Variants in NDUFA10 observed in about 807,000 individuals in gnomAD.
NDUFA10 encodes NADH dehydrogenase [ubiquinone] 1 alpha subcomplex subunit 10, mitochondrial.
A neutral mutation model predicts 47.8 loss-of-function variants in NDUFA10; 40 were observed. The ratio of observed to expected loss-of-function variants is 0.84; its 90% CI spans 0.65 to 1.09. The LOEUF (loss-of-function observed/expected upper bound fraction) is 1.09, where lower values mean the gene tolerates loss of function less well. NDUFA10 is among the 50% of genes least tolerant of loss of function. The probability of loss-of-function intolerance (pLI) is 0.00; values close to 1 mark genes in which losing one functional copy is unlikely to be tolerated. For synonymous variants in NDUFA10, 183 were observed against 172.2 expected, an observed-to-expected ratio of 1.06 and a Z score of -0.49; for missense variants, 413 against 451.1, an observed-to-expected ratio of 0.92 and a Z score of 0.76.
At chr2:240,009,002 G>A (rs1375241019) in intron 6 of NDUFA10, among the ~76,000 whole-genome samples, 2 of 152,316 alleles carry the variant, frequency 1.3e-5, no homozygotes, top group African/African-American at 4.8e-5. Context: ...GGGATCTGGA[G>A]GAAACCCCCA....
intron 9 of NDUFA10, among the ~76,000 whole-genome samples, chr2:239,984,189 T>A (rs1206421422): frequency 2.0e-5 from 3 of 151,178 alleles, no homozygotes; most frequent in Non-Finnish European, 4.4e-5. Context: ...GTCAAGATCA[T>A]GCCATTGCAC....
chr2:240,016,672 C>T lies in NDUFA10; in HGVS notation c.548-1812G>A, dbSNP rs979391100. 6.6e-6 allele frequency among the ~76,000 whole-genome samples: 1 copy of T among 152,134 alleles called. No individual in the cohort carries two copies. The highest frequency in any genetic ancestry group is 1.5e-5 in the Non-Finnish European group (1 of 68,014). On this transcript the variant is annotated intron_variant, in intron 4 of 9. Coordinates refer to ENST00000252711, the MANE Select transcript of NDUFA10 (RefSeq NM_004544.4). The surrounding 1 kb of genome is among the most constrained non-coding windows in gnomAD (Gnocchi z 4.4). ...TCCCTCAGTGGGGGTCTCATCACCC[C>T]AGAAATGGTCCCCAAAGGATCTGGT... is the stretch of plus-strand genomic sequence containing the variant.
intron 4 of NDUFA10, among the ~76,000 whole-genome samples, chr2:239,916,378 A>G (rs1693880540): frequency 6.6e-6 from 1 of 151,918 alleles, no homozygotes. Context: ...ATGCAGATAC[A>G]CACACACATT....
intron 5 of NDUFA10, chr2:240,012,029 A>G: frequency 5.8e-6 from 2 of 346,404 alleles, no homozygotes; most frequent in Non-Finnish European, 1.1e-5. Context: ...GCAGGAATGA[A>G]AGAGCACCAA....
intron 4 of NDUFA10, among the ~76,000 whole-genome samples, chr2:239,912,162 TC>T (rs1296218462): frequency 1.3e-5 from 2 of 151,914 alleles, no homozygotes; most frequent in Non-Finnish European, 2.9e-5. Flanking sequence ...TGAAGGAGGG[TC>T]TGGGCGGCAC....
chr2:239,993,127 G>A (rs999181282), intron 8 of NDUFA10, among the ~76,000 whole-genome samples: 1 of 152,114 alleles, frequency 6.6e-6, no homozygotes, highest in Non-Finnish European at 1.5e-5. Flanking sequence ...ATACACTATG[G>A]GGGAATTACA....
At chr2:239,932,998 G>C (rs967214905) in intron 4 of NDUFA10, among the ~76,000 whole-genome samples, 3 of 152,192 alleles carry the variant, frequency 2.0e-5, no homozygotes, top group African/African-American at 7.2e-5. Context: ...AGTGGGGAAG[G>C]CAGGCTATGA....
chr2:239,989,141 C>T (rs577690194), intron 9 of NDUFA10, among the ~76,000 whole-genome samples: 1 of 152,344 alleles, frequency 6.6e-6, no homozygotes, highest in African/African-American at 2.4e-5. Context: ...ACCGCAGGTG[C>T]CTCTGAGAGA....
intron 4 of NDUFA10, among the ~76,000 whole-genome samples, chr2:239,900,176 C>T (rs1044590556): frequency 3.3e-5 from 5 of 152,040 alleles, no homozygotes; most frequent in Admixed American, 6.6e-5. Context: ...GGCCTTCAGC[C>T]ACAGACTGAA....
At chr2:239,981,566 A>C (rs1448953652) in intron 9 of NDUFA10, among the ~76,000 whole-genome samples, 1 of 152,206 alleles carries the variant, frequency 6.6e-6, no homozygotes, top group African/African-American at 2.4e-5. Flanking sequence ...AATCAGGAAA[A>C]TCCTGGAAGA....
At chr2:240,018,328 G>A in intron 4 of NDUFA10, 7 of 1,346,450 alleles carry the variant, frequency 5.2e-6, no homozygotes, top group Non-Finnish European at 7.1e-6. Flanking sequence ...GCTCCAATCT[G>A]CTTTCACAGG....
chr2:239,997,599 C>T (rs567452957), intron 8 of NDUFA10, among the ~76,000 whole-genome samples: 2 of 152,256 alleles, frequency 1.3e-5, no homozygotes, highest in African/African-American at 4.8e-5. Context: ...CACTTTTATA[C>T]CTTAAGTAAC....
intron 1 of NDUFA10, 63 bp downstream of exon 1, chr2:240,025,164 T>TCC: frequency 3.4e-6 from 2 of 594,916 alleles, no homozygotes; most frequent in South Asian, 2.3e-5. Context: ...GTGGAACTGC[T>TCC]CCCCACCCCG....
Position 239,928,900 on chromosome 2 carries a change from C to T in NDUFA10, c.295-33586G>A, listed in dbSNP as rs990293391. Among the ~76,000 whole-genome samples, 1 of 152,214 alleles carries T rather than the reference C, an allele frequency of 6.6e-6. No homozygotes were observed. Among genetic ancestry groups the T allele is most frequent in the Non-Finnish European group, 1.5e-5 (1 of 68,042 alleles). On this transcript the variant is annotated intron_variant, in intron 4 of 5. Coordinates refer to the NDUFA10 transcript ENST00000419408. This position sits in a 1 kb window ranked among gnomAD's most constrained non-coding sequence, Gnocchi z 4.3. Reference sequence around the variant, plus strand: ...AATCCTCCCAGCCTTGACTCCGAAACGCTTTGTCTCCCATCGCCCCGCGGC... The same window carrying T: ...AATCCTCCCAGCCTTGACTCCGAAATGCTTTGTCTCCCATCGCCCCGCGGC...
chr2:239,906,239 T>C lies in NDUFA10; in HGVS notation c.295-10925A>G, dbSNP rs1337972183. 6.6e-6 allele frequency among the ~76,000 whole-genome samples: 1 copy of C among 152,188 alleles called. No individual in the cohort carries two copies. The highest frequency in any genetic ancestry group is 6.5e-5 in the Admixed American group (1 of 15,280). ...GAAATATTACCCGGAAGGAAGTCAG[T>C]ATATAATTAAAAGTCATTTAATCAT... is the stretch of plus-strand genomic sequence containing the variant. On this transcript the variant is annotated intron_variant, in intron 4 of 5. Coordinates refer to the NDUFA10 transcript ENST00000419408. This position sits in a 1 kb window ranked among gnomAD's most constrained non-coding sequence, Gnocchi z 4.3.
chr2:240,006,649 C>T (rs1696958951), intron 7 of NDUFA10, among the ~76,000 whole-genome samples: 1 of 152,204 alleles, frequency 6.6e-6, no homozygotes, highest in Non-Finnish European at 1.5e-5. Flanking sequence ...AATGGATGCT[C>T]AGTTGCCTCA....
chr2:240,015,536 G>C (rs956109657), intron 4 of NDUFA10, among the ~76,000 whole-genome samples: 2 of 152,244 alleles, frequency 1.3e-5, no homozygotes, highest in African/African-American at 4.8e-5. Flanking sequence ...AGTATCTACT[G>C]AGTCAGATTT....
chr2:239,939,049 A>G (rs528491226), intron 4 of NDUFA10, among the ~76,000 whole-genome samples: 1 of 152,272 alleles, frequency 6.6e-6, no homozygotes, highest in African/African-American at 2.4e-5. Context: ...AGGAGGCCCC[A>G]CAATGCTCTC....
At chr2:239,897,590 C>T (rs949591120) in intron 4 of NDUFA10, among the ~76,000 whole-genome samples, 8 of 152,196 alleles carry the variant, frequency 5.3e-5, no homozygotes, top group Non-Finnish European at 8.8e-5. Flanking sequence ...AGCATCCATA[C>T]TTGATGAAGT....
Sources: gnomAD v4.1 joint callset for allele counts (sites outside exome capture counted in the v4.1 genomes callset) on GRCh38, gnomAD v4.1.1 for gene constraint, Gnocchi (gnomAD v3.1) non-coding constraint, MANE v1.5 for transcripts, NCBI Gene and HGNC (gene_info 2026-07-23, HGNC 2026-07-21) for gene names.